RANBP17: variants seen among roughly 807,000 people sequenced by gnomAD.
RANBP17 encodes the protein ran-binding protein 17.
A neutral mutation model predicts 141.2 loss-of-function variants in RANBP17; 158 were observed. The observed-to-expected ratio is 1.12, with a 90% CI of 0.98 to 1.28. The LOEUF is 1.28. Among genes scored for constraint, RANBP17 ranks in the 50% most tolerant of loss-of-function variants. RANBP17 has a pLI of 0.00. For missense variants in RANBP17, 1,438 were observed against 1,290.7 expected (o/e 1.11, Z -1.75); for synonymous variants, 430 against 450.0 (o/e 0.96, Z 0.56).
intron 5 of RANBP17, among the ~76,000 whole-genome samples, chr5:170,904,630 T>C (rs993426718): frequency 7.2e-5 from 11 of 152,186 alleles, no homozygotes; most frequent in Non-Finnish European, 4.4e-5. Context: ...AATACCAGTG[T>C]GTGAAATTAG....
intron 14 of RANBP17, among the ~76,000 whole-genome samples, chr5:171,047,432 T>TG (rs923219729): frequency 1.5e-5 from 2 of 135,674 alleles, no homozygotes; most frequent in African/African-American, 5.1e-5. Context: ...AACCCTTTTT[T>TG]TTTTGTTTTG....
intron 5 of RANBP17, among the ~76,000 whole-genome samples, chr5:170,899,965 G>A (rs904277269): frequency 3.9e-5 from 6 of 152,246 alleles, no homozygotes; most frequent in Admixed American, 1.3e-4. Context: ...AGGTTTAATG[G>A]CCTGAAATTT....
At chr5:170,985,114 AACAC>A (rs1223795233) in intron 14 of RANBP17, among the ~76,000 whole-genome samples, 2 of 149,924 alleles carry the variant, frequency 1.3e-5, no homozygotes, top group Non-Finnish European at 3.0e-5. Flanking sequence ...TATACACACA[AACAC>A]ATACATACAC....
intron 14 of RANBP17, among the ~76,000 whole-genome samples, chr5:171,077,309 C>T (rs768639298): frequency 2.0e-5 from 3 of 151,620 alleles, no homozygotes; most frequent in Non-Finnish European, 4.4e-5. Context: ...CACTGCACTC[C>T]AGCCTGAGCA....
At chr5:171,170,233 C>T in intron 15 of RANBP17, 30 bp downstream of exon 15, 1 of 1,305,184 alleles carries the variant, frequency 7.7e-7, no homozygotes, top group Non-Finnish European at 1.1e-6. Context: ...TTTAATTTTT[C>T]TTTTGTTGTT....
Position 171,015,162 on chromosome 5 carries a change from G to C in RANBP17, c.1710+46785G>C, listed in dbSNP as rs556683172. On this transcript the variant is annotated intron_variant, in intron 14 of 27. Transcript: ENST00000523189. ...TGTTTTCTTATATTTCTTGTGCTTG[G>C]AGTTGAGCTTCTTGAATCTGTAAAT... is the stretch of plus-strand genomic sequence containing the variant. Among the ~76,000 whole-genome samples the C allele has an allele frequency of 3.3e-5, 5 of 152,098 alleles. No homozygotes were observed. The South Asian group carries it at 6.2e-4, about 19-fold the overall frequency.
intron 1 of RANBP17, among the ~76,000 whole-genome samples, chr5:170,871,229 A>G (rs956633739): frequency 6.6e-6 from 1 of 152,022 alleles, no homozygotes; most frequent in Non-Finnish European, 1.5e-5. Flanking sequence ...TTGTATTTTT[A>G]GTAGAGACAG....
At chr5:171,265,877 A>ACTT in intron 25 of RANBP17, 30 bp downstream of exon 25, 2 of 1,604,054 alleles carry the variant, frequency 1.2e-6, no homozygotes, top group Non-Finnish European at 1.7e-6. Context: ...CTGGCTTAAG[A>ACTT]AACAAGTGTT....
chr5:171,201,554 T>C (rs1354875829), intron 19 of RANBP17, among the ~76,000 whole-genome samples: 7 of 152,258 alleles, frequency 4.6e-5, no homozygotes, highest in Non-Finnish European at 8.8e-5. Context: ...TTATTGCTGA[T>C]CGTGTCTCTT....
intron 14 of RANBP17, among the ~76,000 whole-genome samples, chr5:171,101,106 T>C (rs1425696250): frequency 6.6e-6 from 1 of 152,200 alleles, no homozygotes; most frequent in Non-Finnish European, 1.5e-5. Flanking sequence ...TCTGTAGCTA[T>C]CTATTAGGTC....
At chr5:171,279,307 A>G (rs1276985567) in intron 25 of RANBP17, among the ~76,000 whole-genome samples, 1 of 152,226 alleles carries the variant, frequency 6.6e-6, no homozygotes, top group African/African-American at 2.4e-5. Flanking sequence ...ATAGCAGAAT[A>G]CCGTAGATTG....
intron 14 of RANBP17, among the ~76,000 whole-genome samples, chr5:170,969,697 G>A (rs1435488154): frequency 6.6e-6 from 1 of 151,938 alleles, no homozygotes. Context: ...AATGAGACTA[G>A]TTGTTTTAGG....
chr5:171,067,575 G>T (rs1219119724), intron 14 of RANBP17, among the ~76,000 whole-genome samples: 1 of 151,876 alleles, frequency 6.6e-6, no homozygotes, highest in Non-Finnish European at 1.5e-5. Context: ...TGTTAGTAAT[G>T]GGCTTCTTTA....
chr5:171,126,239 T>C (rs1012407838), intron 14 of RANBP17, among the ~76,000 whole-genome samples: 1 of 152,036 alleles, frequency 6.6e-6, no homozygotes, highest in African/African-American at 2.4e-5. Context: ...AGTGGATAAA[T>C]AAAGAAGGAA....
chr5:170,928,834 A>C (rs1397979223), intron 12 of RANBP17, among the ~76,000 whole-genome samples: 1 of 151,474 alleles, frequency 6.6e-6, no homozygotes, highest in East Asian at 1.9e-4. Flanking sequence ...TAATTTTAGC[A>C]TCAGCATCTC....
chr5:171,133,358 T>G (rs1757060672), intron 14 of RANBP17, among the ~76,000 whole-genome samples: 1 of 152,206 alleles, frequency 6.6e-6, no homozygotes, highest in Admixed American at 6.5e-5. Context: ...GTTAATTAGC[T>G]TTTTAAAGTT....
chr5:170,877,673 A>G (rs1205569313), intron 1 of RANBP17, among the ~76,000 whole-genome samples: 1 of 152,168 alleles, frequency 6.6e-6, no homozygotes, highest in Non-Finnish European at 1.5e-5. Context: ...TGCTGTGTTT[A>G]TCAGCCGCAC....
chr5:171,061,050 CT>C (rs1561606165), intron 14 of RANBP17, among the ~76,000 whole-genome samples: 1 of 151,794 alleles, frequency 6.6e-6, no homozygotes, highest in Admixed American at 6.6e-5. Context: ...ATTCTTCTCT[CT>C]TTTTTTCTTC....
At chr5:170,938,291 T>TA (rs1486170297) in intron 12 of RANBP17, among the ~76,000 whole-genome samples, 4 of 152,170 alleles carry the variant, frequency 2.6e-5, no homozygotes, top group African/African-American at 9.7e-5. Flanking sequence ...TTTAAATTGG[T>TA]AGATACCCTG....
Sources: gnomAD v4.1 joint callset for allele counts (sites outside exome capture counted in the v4.1 genomes callset) on GRCh38, gnomAD v4.1.1 for gene constraint, MANE v1.5 for transcripts, NCBI Gene and HGNC (gene_info 2026-07-23, HGNC 2026-07-21) for gene names.